MOK: variants seen among roughly 807,000 people sequenced by gnomAD.
MOK encodes MAPK/MAK/MRK overlapping kinase.
MOK carries 59 observed loss-of-function variants against 54.2 expected under a neutral mutation model. The ratio of observed to expected loss-of-function variants is 1.09; its 90% CI spans 0.88 to 1.35. MOK has a LOEUF of 1.35. Among genes scored for constraint, MOK ranks in the 40% most tolerant of loss-of-function variants. The probability of loss-of-function intolerance (pLI) is 0.00; values close to 1 mark genes in which losing one functional copy is unlikely to be tolerated. For synonymous variants in MOK, 210 were observed against 202.7 expected, an observed-to-expected ratio of 1.04 and a Z score of -0.31; for missense variants, 517 against 526.2, an observed-to-expected ratio of 0.98 and a Z score of 0.17.
At chr14:102,264,934 G>C (rs1236936289) in intron 3 of MOK, among the ~76,000 whole-genome samples, 1 of 152,182 alleles carries the variant, frequency 6.6e-6, no homozygotes, top group East Asian at 1.9e-4. Context: ...CCTGTAGCCT[G>C]ACTCCCTGGT....
rs925613466 is a variant in MOK at position 102,229,164 on chromosome 14, C to T, written c.*125G>A. On this transcript the variant is annotated 3_prime_UTR_variant, in exon 12 of 12. Coordinates refer to ENST00000361847, the MANE Select transcript of MOK (RefSeq NM_014226.3). ...GGGCGCAGGGCAGCACCCAGAGCCC[C>T]GGCCAGCGCGAAACGGACGCAGGCG... The T allele has an allele frequency of 1.9e-6, 2 of 1,055,888 alleles. No homozygotes were observed. The highest frequency in any genetic ancestry group is 2.7e-6 in the Non-Finnish European group (2 of 743,480). 65.4% of individuals were successfully genotyped at this position (1,055,888 alleles called of 1,614,324 possible).
At position 102,233,799 on chromosome 14, in the gene MOK, C is replaced by CA. The variant is rs762739797; in HGVS notation, c.591-11dup. On this transcript the variant is annotated splice_polypyrimidine_tract_variant and intron_variant, in intron 7 of 11. Coordinates refer to ENST00000361847, the MANE Select transcript of MOK (RefSeq NM_014226.3). Reference sequence around the variant, plus strand: ...AAAGAGGGGCTGCAGACTGGAAGGGCAGAAGGGGCACTGTGGTCAGTGTTA... The same window carrying CA: ...AAAGAGGGGCTGCAGACTGGAAGGGCAAGAAGGGGCACTGTGGTCAGTGTTA... 27 of 1,599,134 alleles carry CA rather than the reference C, an allele frequency of 1.7e-5. No homozygotes were observed. Among genetic ancestry groups the CA allele is most frequent in the Middle Eastern group, 1.7e-4 (1 of 6,038 alleles).
At chr14:102,282,089 C>T (rs1202651061) in intron 2 of MOK, among the ~76,000 whole-genome samples, 1 of 152,142 alleles carries the variant, frequency 6.6e-6, no homozygotes, top group African/African-American at 2.4e-5. Context: ...GATAACTACC[C>T]TATCCAGATG....
chr14:102,285,604 C>T (rs1211067624), intron 1 of MOK, among the ~76,000 whole-genome samples: 9 of 152,160 alleles, frequency 5.9e-5, no homozygotes, highest in African/African-American at 2.2e-4. Flanking sequence ...TTGGAATTTA[C>T]TTTAAAATAT....
At chr14:102,295,929 A>T (rs2071370057) in intron 1 of MOK, among the ~76,000 whole-genome samples, 2 of 152,138 alleles carry the variant, frequency 1.3e-5, no homozygotes, top group South Asian at 4.1e-4. Context: ...TCAGATCAGG[A>T]GTTCATGACC....
chr14:102,304,387 C>A (rs939008534), intron 1 of MOK, among the ~76,000 whole-genome samples: 2 of 152,184 alleles, frequency 1.3e-5, no homozygotes, highest in African/African-American at 4.8e-5. Context: ...TACCTCATTT[C>A]CCAACTTTGA....
rs370683496 is a variant in MOK, at chr14:102,286,988, CTCTG to C, written c.8-3400_8-3397del. 9.9e-4 allele frequency among the ~76,000 whole-genome samples: 151 copies of C among 151,892 alleles called. 3 individuals are homozygous for C. In the East Asian group the frequency reaches 0.025, roughly 25 times the overall value. ...TACACACACACAGAATTAATACTGG[CTCTG>C]TCTGAGGTTACAGGTGTCTCATTTT... On this transcript the variant is annotated intron_variant, in intron 1 of 11. Coordinates refer to ENST00000361847, the MANE Select transcript of MOK (RefSeq NM_014226.3).
chr14:102,223,910 G>A (rs1344916696), downstream of MOK, among the ~76,000 whole-genome samples: 2 of 152,180 alleles, frequency 1.3e-5, no homozygotes, highest in African/African-American at 4.8e-5. Flanking sequence ...CAGGGCTTCA[G>A]GATCACGTTT....
At chr14:102,219,172 A>C in the MOK span, among the ~76,000 whole-genome samples, 2 of 152,080 alleles carry the variant, frequency 1.3e-5, no homozygotes, top group Non-Finnish European at 2.9e-5. Flanking sequence ...CTCTTCTACC[A>C]CCTGATAATC....
Position 102,229,374 on chromosome 14 carries a change from A to G in MOK, c.1183-8T>C. ...GTCCTTCTGCGGATCTGTCTGTCAA[A>G]GAAAAATTACAGACACAAAATTCAG... On this transcript the variant is annotated splice_polypyrimidine_tract_variant and splice_region_variant and intron_variant, in intron 11 of 11. Transcript: ENST00000361847. 1 of 1,614,200 alleles carries G rather than the reference A, an allele frequency of 6.2e-7. No homozygotes were observed. The highest frequency in any genetic ancestry group is 1.3e-5 in the African/African-American group (1 of 75,066).
intron 4 of MOK, among the ~76,000 whole-genome samples, chr14:102,253,467 C>T (rs1020926440): frequency 5.3e-5 from 8 of 152,244 alleles, no homozygotes; most frequent in Non-Finnish European, 1.0e-4. Context: ...ACCCAGTGTT[C>T]CACTAGGCTT....
At position 102,300,541 on chromosome 14, in the gene MOK, T is replaced by C. The variant is rs1332874485; in HGVS notation, c.7+4421A>G. On this transcript the variant is annotated intron_variant, in intron 1 of 11. Coordinates refer to ENST00000361847, the MANE Select transcript of MOK (RefSeq NM_014226.3). ...TCCAGCCTGGGCAACAGACTCTATC[T>C]CAAACAAAAAAGAAAGTTCAGACAG... Among the ~76,000 whole-genome samples the C allele has an allele frequency of 8.6e-5, 13 of 152,036 alleles. No individual in the cohort carries two copies. The East Asian group carries it at 1.9e-3, about 23-fold the overall frequency.
chr14:102,277,713 A>G (rs2153161827), intron 2 of MOK, among the ~76,000 whole-genome samples: 1 of 152,300 alleles, frequency 6.6e-6, no homozygotes, highest in East Asian at 1.9e-4. Context: ...AAGAGCACAT[A>G]CTAGTGATTG....
intron 1 of MOK, among the ~76,000 whole-genome samples, chr14:102,288,597 T>C (rs1207152969): frequency 6.6e-6 from 1 of 152,226 alleles, no homozygotes; most frequent in Non-Finnish European, 1.5e-5. Flanking sequence ...TTGGGGATGA[T>C]GAAAATATTT....
chr14:102,227,869 A>G (rs1019868563), downstream of MOK, among the ~76,000 whole-genome samples: 1 of 152,240 alleles, frequency 6.6e-6, no homozygotes, highest in Non-Finnish European at 1.5e-5. Context: ...ACGTGAAGGA[A>G]GGGTGTCACA....
In MOK at chr14:102,245,192, AG is replaced by A. The variant is rs1042215502; in HGVS notation, c.590+5619del. Among the ~76,000 whole-genome samples, 6 of 152,002 alleles carry A rather than the reference AG, an allele frequency of 3.9e-5. No individual in the cohort carries two copies. The highest frequency in any genetic ancestry group is 8.8e-5 in the Non-Finnish European group (6 of 68,028). On this transcript the variant is annotated intron_variant, in intron 7 of 11. Transcript: ENST00000361847. This position sits in a 1 kb window ranked among gnomAD's most constrained non-coding sequence, Gnocchi z 4.3. ...TTCTATATGACAAATGCTCCTTCTA[AG>A]AACCCCACAATACCACCCATTACCC...
intron 2 of MOK, among the ~76,000 whole-genome samples, chr14:102,279,081 G>A (rs1452239959): frequency 6.6e-6 from 1 of 152,166 alleles, no homozygotes; most frequent in East Asian, 1.9e-4. Context: ...CTAAAATGGA[G>A]GAGCTGCTGG....
At position 102,238,545 on chromosome 14, in the gene MOK, G is replaced by T. The variant is rs1424036682; in HGVS notation, c.591-4756C>A. On this transcript the variant is annotated intron_variant, in intron 7 of 11. Transcript: ENST00000361847. This position sits in a 1 kb window ranked among gnomAD's most constrained non-coding sequence, Gnocchi z 4.8. ...CAGAAAGACCAATGGGGCAGCAAAA[G>T]AAGCCTCCCTTTCTTCCGCTCCTGC... 2 of 152,252 alleles carry T rather than the reference G, an allele frequency of 1.3e-5. No homozygotes were observed. The highest frequency in any genetic ancestry group is 6.5e-5 in the Admixed American group (1 of 15,278). 9.4% of individuals were successfully genotyped at this position (152,252 alleles called of 1,614,324 possible). A position where few individuals can be genotyped will look rare whatever the true frequency, so the allele number is the denominator to read the frequency against.
chr14:102,295,604 C>T (rs950182477), intron 1 of MOK, among the ~76,000 whole-genome samples: 15 of 152,070 alleles, frequency 9.9e-5, no homozygotes, highest in Admixed American at 4.6e-4. Context: ...CCATTCTCTT[C>T]GAGAGATTAA....
Sources: allele counts gnomAD v4.1 joint callset (sites outside exome capture counted in the v4.1 genomes callset), GRCh38; gene constraint gnomAD v4.1.1; non-coding constraint Gnocchi (gnomAD v3.1); transcripts MANE v1.5; gene names NCBI Gene and HGNC (gene_info 2026-07-23, HGNC 2026-07-21).